Variants in LRRC4C observed in about 807,000 individuals in gnomAD.
LRRC4C encodes leucine-rich repeat-containing protein 4C.
Under a neutral mutation model 33.6 loss-of-function variants are expected in LRRC4C, and 5 were observed. The ratio of observed to expected loss-of-function variants is 0.15; its 90% CI spans 0.08 to 0.31. The LOEUF is 0.31. Among genes scored for constraint, LRRC4C ranks in the 10% least tolerant of loss-of-function variants. LRRC4C has a pLI of 1.00. For synonymous variants in LRRC4C, 329 were observed against 302.0 expected, an observed-to-expected ratio of 1.09 and a Z score of -0.93; for missense variants, 560 against 796.7, an observed-to-expected ratio of 0.70 and a Z score of 3.58.
chr11:41,254,883 A>T (rs1948751407), intron 1 of LRRC4C, among the ~76,000 whole-genome samples: 2 of 152,066 alleles, frequency 1.3e-5, no homozygotes, highest in Admixed American at 6.6e-5. Context: ...AGACTGCCAA[A>T]TAGAATATAT....
chr11:40,857,319 A>G (rs1953838553), intron 2 of LRRC4C, among the ~76,000 whole-genome samples: 1 of 152,178 alleles, frequency 6.6e-6, no homozygotes, highest in Non-Finnish European at 1.5e-5. Context: ...TAAGCCCTGC[A>G]TGCATTAGCT....
chr11:41,341,069 A>C (rs1951620029), intron 1 of LRRC4C, among the ~76,000 whole-genome samples: 2 of 151,422 alleles, frequency 1.3e-5, no homozygotes, highest in African/African-American at 2.4e-5. Flanking sequence ...TAGCAAACAA[A>C]GTAAAAGAAG....
intron 1 of LRRC4C, among the ~76,000 whole-genome samples, chr11:40,936,111 G>T (rs1957886608): frequency 7.9e-6 from 1 of 126,680 alleles, no homozygotes; most frequent in Non-Finnish European, 1.6e-5. Context: ...AATGTGTATT[G>T]CAATGTAACT....
At chr11:40,921,130 C>T (rs568131475) in intron 2 of LRRC4C, among the ~76,000 whole-genome samples, 138 of 152,046 alleles carry the variant, frequency 9.1e-4, no homozygotes, top group Non-Finnish European at 1.7e-3. Flanking sequence ...GCTATGTTGT[C>T]AGGACTGGTC....
At chr11:40,939,855 T>C (rs1159978700) in intron 1 of LRRC4C, among the ~76,000 whole-genome samples, 1 of 152,160 alleles carries the variant, frequency 6.6e-6, no homozygotes, top group Non-Finnish European at 1.5e-5. Context: ...AGATCATTTG[T>C]TTTATCAGAC....
chr11:40,837,164 T>C (rs1359468439), intron 2 of LRRC4C, among the ~76,000 whole-genome samples: 1 of 152,188 alleles, frequency 6.6e-6, no homozygotes, highest in East Asian at 1.9e-4. Context: ...AAAGGTCTTA[T>C]TTTTTGATGC....
chr11:41,241,733 C>T (rs1307178838), intron 1 of LRRC4C, among the ~76,000 whole-genome samples: 1 of 152,154 alleles, frequency 6.6e-6, no homozygotes, highest in Non-Finnish European at 1.5e-5. Flanking sequence ...GAATTAATCA[C>T]AACTTTGTCC....
chr11:40,968,414 A>G (rs1406372956), intron 1 of LRRC4C, among the ~76,000 whole-genome samples: 1 of 152,166 alleles, frequency 6.6e-6, no homozygotes, highest in East Asian at 1.9e-4. Context: ...AAGATAATTG[A>G]TGAAGGTGGA....
intron 2 of LRRC4C, among the ~76,000 whole-genome samples, chr11:40,800,494 A>C (rs144463249): frequency 6.6e-6 from 1 of 152,306 alleles, no homozygotes; most frequent in Non-Finnish European, 1.5e-5. Flanking sequence ...ACCTTTTTAA[A>C]ATTTCAACTC....
chr11:41,249,281 T>G (rs1238897392), intron 1 of LRRC4C, among the ~76,000 whole-genome samples: 1 of 152,016 alleles, frequency 6.6e-6, no homozygotes, highest in African/African-American at 2.4e-5. Flanking sequence ...TGATCTGCCC[T>G]CCTCGGCCTC....
At chr11:40,656,595 C>T (rs978567917) in intron 2 of LRRC4C, among the ~76,000 whole-genome samples, 9 of 152,108 alleles carry the variant, frequency 5.9e-5, no homozygotes, top group Admixed American at 4.6e-4. Flanking sequence ...TTCACGCTCT[C>T]GAGAGACTTT....
At chr11:40,313,688 A>G (rs1373169656) in intron 4 of LRRC4C, among the ~76,000 whole-genome samples, 7 of 140,984 alleles carry the variant, frequency 5.0e-5, no homozygotes, top group Non-Finnish European at 1.0e-4. Context: ...GCTCACTGCA[A>G]GCTCCACCTT....
At chr11:41,033,089 C>T (rs1856822719) in intron 1 of LRRC4C, among the ~76,000 whole-genome samples, 1 of 151,952 alleles carries the variant, frequency 6.6e-6, no homozygotes. Flanking sequence ...CAATCACAAC[C>T]TCATTCTTAT....
intron 2 of LRRC4C, among the ~76,000 whole-genome samples, chr11:40,927,063 C>T (rs1334184936): frequency 6.6e-6 from 1 of 152,078 alleles, no homozygotes; most frequent in Non-Finnish European, 1.5e-5. Flanking sequence ...GTCTGTAATG[C>T]AGCAGTCGCT....
Position 41,100,086 on chromosome 11 carries a change from C to A in LRRC4C, c.-495-166363G>T, listed in dbSNP as rs568716232. The stretch of plus-strand genomic sequence containing the variant: ...CAAGAGCCAAATCAGAAATGCAACC[C>A]CATTCACAATTGCTACAAAAAACAA... On this transcript the variant is annotated intron_variant, in intron 1 of 6. Transcript: ENST00000528697. Among the ~76,000 whole-genome samples the A allele has an allele frequency of 3.9e-5, 6 of 152,090 alleles. No homozygotes were observed. In the South Asian group the frequency reaches 1.2e-3, roughly 32 times the overall value.
intron 1 of LRRC4C, among the ~76,000 whole-genome samples, chr11:41,147,123 T>C (rs1047415442): frequency 1.3e-5 from 2 of 152,234 alleles, no homozygotes; most frequent in African/African-American, 4.8e-5. Flanking sequence ...TCTGGTTACA[T>C]CTGTTTTTGT....
chr11:40,857,401 A>G (rs1953844408), intron 2 of LRRC4C, among the ~76,000 whole-genome samples: 3 of 151,990 alleles, frequency 2.0e-5, no homozygotes, highest in Admixed American at 2.0e-4. Flanking sequence ...CCCTGTATCC[A>G]TGTGTTCTCA....
chr11:40,258,240 C>T (rs1466872634), intron 4 of LRRC4C, among the ~76,000 whole-genome samples: 1 of 152,128 alleles, frequency 6.6e-6, no homozygotes, highest in Non-Finnish European at 1.5e-5. Context: ...AATCTAAATG[C>T]TCAGACATTT....
At chr11:41,037,902 C>T (rs372463747) in intron 1 of LRRC4C, among the ~76,000 whole-genome samples, 4 of 152,168 alleles carry the variant, frequency 2.6e-5, no homozygotes, top group African/African-American at 9.6e-5. Flanking sequence ...GGATTTTTAC[C>T]CACATTTATT....
Sources: allele counts gnomAD v4.1 joint callset (sites outside exome capture counted in the v4.1 genomes callset), GRCh38; gene constraint gnomAD v4.1.1; transcripts MANE v1.5; gene names NCBI Gene and HGNC (gene_info 2026-07-23, HGNC 2026-07-21).